Variants in TMC6 observed in about 807,000 individuals in gnomAD.
TMC6 encodes transmembrane channel like 6, also known as transmembrane channel-like protein 6.
A neutral mutation model predicts 95.4 loss-of-function variants in TMC6; 71 were observed. That is an observed-to-expected ratio of 0.74 (90% confidence interval 0.61 to 0.91). The LOEUF is 0.91. TMC6 is among the 40% of genes least tolerant of loss of function. The pLI, the probability that TMC6 is intolerant of heterozygous loss-of-function variation, is 0.00. For missense variants in TMC6, 1,074 were observed against 1,079.1 expected (o/e 1.00, Z 0.07); for synonymous variants, 514 against 483.1 (o/e 1.06, Z -0.84).
At chr17:78,125,107 T>A in intron 6 of TMC6, 51 bp downstream of exon 6, 1 of 1,546,286 alleles carries the variant, frequency 6.5e-7, no homozygotes, top group South Asian at 1.2e-5. Context: ...GCTGAGGAAG[T>A]GGGTCTGGGG....
At chr17:78,116,118 A>G (rs2074096704) in intron 18 of TMC6, among the ~76,000 whole-genome samples, 1 of 151,768 alleles carries the variant, frequency 6.6e-6, no homozygotes, top group Admixed American at 6.6e-5. Flanking sequence ...TAGCTGGTAC[A>G]GGTGGACGCC....
chr17:78,124,527 G>A lies in TMC6; in HGVS notation c.888C>T (p.Gly296=), dbSNP rs762787504. 3.1e-5 allele frequency: 50 copies of A among 1,610,336 alleles called. No individual in the cohort carries two copies. Among genetic ancestry groups the A allele is most frequent in the Non-Finnish European group, 3.8e-5 (45 of 1,179,804 alleles). ...CCCAGTCCTAGGGCTTCCTCACCGC[G>A]CCTGTGAGGAGCTCCAGGCCTGTGC... The part of the protein sequence containing the change: ...PVCTGLELLT[G]AGCFTHTVMY... The change falls in exon 8 of 20, where the codon GGC becomes GGT. Residue 296 remains glycine (G), a synonymous_variant. Coordinates refer to ENST00000590602, the MANE Select transcript of TMC6 (RefSeq NM_001127198.5).
upstream of TMC6, chr17:78,131,471 C>CTTCCGTGCACAGAG: frequency 7.0e-7 from 1 of 1,428,152 alleles, no homozygotes; most frequent in Admixed American, 2.0e-5. Flanking sequence ...CGGAAGGGCC[C>CTTCCGTGCACAGAG]GCCCCCAGCC....
intron 1 of TMC6, 122 bp from the exon 2 acceptor site, chr17:78,127,028 C>T: frequency 1.5e-6 from 1 of 664,216 alleles, no homozygotes; most frequent in African/African-American, 1.8e-5. Flanking sequence ...CGCCCACCCC[C>T]CTATCACCCC....
At position 78,117,622 on chromosome 17, in the gene TMC6, C is replaced by T. The variant is rs1234426664; in HGVS notation, c.2044G>A (p.Gly682Ser). 1 of 1,574,704 alleles carries T rather than the reference C, an allele frequency of 6.4e-7. No homozygotes were observed. Among genetic ancestry groups the T allele is most frequent in the Non-Finnish European group, 8.6e-7 (1 of 1,161,186 alleles). ...ATGGTGTCCAGGGTCCGGAAGGGGC[C>T]GCAGGTGCTCGAGGGCTTCACCCTG... ...VWQVKPSSTC[G>S]PFRTLDTMYE... The change falls in exon 17 of 20, where the codon GGC (glycine) becomes AGC (serine). Residue 682 changes from glycine to serine, a missense_variant. Transcript: ENST00000590602.
chr17:78,123,532 G>A (rs9908734), intron 9 of TMC6, among the ~76,000 whole-genome samples: 55 of 142,174 alleles, frequency 3.9e-4, no homozygotes, highest in African/African-American at 1.5e-3. Context: ...TGGGTGGGTA[G>A]ATGGATGAAT....
At chr17:78,117,411 C>T (rs531169296) in intron 17 of TMC6, 57 bp downstream of exon 17, 57 of 1,611,686 alleles carry the variant, frequency 3.5e-5, no homozygotes, top group African/African-American at 2.4e-4. Context: ...AGTCCCCACA[C>T]GGTGCAGGCC....
chr17:78,131,560 C>A, upstream of TMC6: 2 of 1,539,840 alleles, frequency 1.3e-6, no homozygotes, highest in Middle Eastern at 2.3e-4. Context: ...GGCAGCCCGG[C>A]GCCCCAGCCT....
rs892147319 is a variant in TMC6 at position 78,117,827 on chromosome 17, C to T, written c.1996G>A (p.Val666Ile). Reference sequence around the variant, plus strand: ...TGCCAGACGGCGTAGCAGAGGAAGACAGCGGCGCCCAGGAAGGCGGGGAAG... The same window carrying T: ...TGCCAGACGGCGTAGCAGAGGAAGATAGCGGCGCCCAGGAAGGCGGGGAAG... ...LCFPAFLGAA[V>I]FLCYAVWQVK... The change falls in exon 16 of 20, where the codon GTC becomes ATC. Residue 666 changes from valine (V) to isoleucine (I), a missense_variant. Coordinates refer to ENST00000590602, the MANE Select transcript of TMC6 (RefSeq NM_001127198.5). The T allele has an allele frequency of 6.2e-7, 1 of 1,607,260 alleles. No individual in the cohort carries two copies. Among genetic ancestry groups the T allele is most frequent in the African/African-American group, 1.3e-5 (1 of 74,858 alleles).
In TMC6 at chr17:78,126,881, C is replaced by G. The variant is rs752505465; in HGVS notation, c.-49G>C. 2 of 1,599,798 alleles carry G rather than the reference C, an allele frequency of 1.3e-6. No homozygotes were observed. Among genetic ancestry groups the G allele is most frequent in the Non-Finnish European group, 1.7e-6 (2 of 1,173,984 alleles). On this transcript the variant is annotated 5_prime_UTR_variant, in exon 2 of 20. Coordinates refer to ENST00000590602, the MANE Select transcript of TMC6 (RefSeq NM_001127198.5). Reference sequence around the variant, plus strand: ...CTGCAGACCTAGGGTAGCTCAGAGCCTGGGCGCCACCTCCGGAGCCCCCAT... The same window carrying G: ...CTGCAGACCTAGGGTAGCTCAGAGCGTGGGCGCCACCTCCGGAGCCCCCAT...
At chr17:78,127,237 T>C (rs2074764228) in intron 1 of TMC6, among the ~76,000 whole-genome samples, 1 of 152,174 alleles carries the variant, frequency 6.6e-6, no homozygotes. Context: ...AGGATCTCCA[T>C]GCCCAGGGTT....
At chr17:78,118,254 A>G in intron 15 of TMC6, 1 of 453,170 alleles carries the variant, frequency 2.2e-6, no homozygotes, top group Non-Finnish European at 4.1e-6. Flanking sequence ...ACAAAAGGCC[A>G]GACGAGACAG....
At position 78,124,910 on chromosome 17, in the gene TMC6, C is replaced by A; in HGVS notation, c.612G>T (p.Arg204=). ...ATACCAGCACGCAGGCATATCTGAG[C>A]CGGCCACAGCAGGAGCAGACCCCGC... ...GSGGVCSCCG[R]LRYACVLALH... Residue 204 remains arginine (R), a synonymous_variant, in exon 7 of 20, where the codon CGG becomes CGT. Coordinates refer to ENST00000590602, the MANE Select transcript of TMC6 (RefSeq NM_001127198.5). The A allele has an allele frequency of 6.3e-7, 1 of 1,597,224 alleles. No individual in the cohort carries two copies. The highest frequency in any genetic ancestry group is 8.5e-7 in the Non-Finnish European group (1 of 1,173,926).
Position 78,124,452 on chromosome 17 carries a change from C to T in TMC6, c.891+72G>A, listed in dbSNP as rs117892474. ...GTTGGGGGCCCCAGGGGAGCTGGGA[C>T]AAGAAGGGAACACGGTACCAGGGTA... On this transcript the variant is annotated intron_variant, in intron 8 of 19. Coordinates refer to ENST00000590602, the MANE Select transcript of TMC6 (RefSeq NM_001127198.5). 42,272 of 1,593,306 alleles carry T rather than the reference C, an allele frequency of 0.027. 805 individuals carry two copies. Among genetic ancestry groups the T allele is most frequent in the South Asian group, 0.072 (6,530 of 90,078 alleles).
rs202143281 is a variant in TMC6 at position 78,123,612 on chromosome 17, AATGGGTGG to A, written c.1082+369_1082+376del. On this transcript the variant is annotated intron_variant, in intron 9 of 19. Coordinates refer to ENST00000590602, the MANE Select transcript of TMC6 (RefSeq NM_001127198.5). Reference sequence around the variant, plus strand: ...GGATGGATGGGTGGGTGAATGGATGAATGGGTGGATGGGTGGATGGGTGGGTGAACTGA... The same window carrying A: ...GGATGGATGGGTGGGTGAATGGATGAATGGGTGGATGGGTGGGTGAACTGA... 1.4e-3 allele frequency among the ~76,000 whole-genome samples: 153 copies of A among 107,162 alleles called. 1 individual carries two copies. Among genetic ancestry groups the A allele is most frequent in the African/African-American group, 5.4e-3 (144 of 26,742 alleles). The allele number at this position is 107,162 out of a possible 152,430, so 70.3% of individuals were successfully genotyped here. A position where few individuals can be genotyped will look rare whatever the true frequency, so the allele number is the denominator to read the frequency against.
intron 19 of TMC6, 25 bp downstream of exon 19, chr17:78,113,522 TC>T: frequency 6.2e-7 from 1 of 1,612,968 alleles, no homozygotes; most frequent in Non-Finnish European, 8.5e-7. Context: ...GCTCAGAGTG[TC>T]CCCAATCCCT....
chr17:78,124,739 C>A lies in TMC6; in HGVS notation c.676G>T (p.Ala226Ser), dbSNP rs746046230. 6 of 1,587,172 alleles carry A rather than the reference C, an allele frequency of 3.8e-6. No homozygotes were observed. Among genetic ancestry groups the A allele is most frequent in the Non-Finnish European group, 4.3e-6 (5 of 1,167,398 alleles). ...LGLALLSALQ[A>S]LMPWRYALKR... ...AGGGCGTAGCGCCACGGCATCAGGG[C>A]CTGCAGGGCGGAGAGCAGCGCCAGG... Residue 226 changes from alanine to serine, a missense_variant, in exon 8 of 20, where the codon GCC becomes TCC. Transcript: ENST00000590602.
In TMC6 at chr17:78,124,989, G is replaced by T; in HGVS notation, c.537-4C>A. 1 of 1,583,814 alleles carries T rather than the reference G, an allele frequency of 6.3e-7. No homozygotes were observed. The stretch of plus-strand genomic sequence containing the variant: ...CCTCGGGGTCCTGCTCTTCTCTCTG[G>T]GGACAGAGGCAGCCATAGGTGCCTG... On this transcript the variant is annotated splice_region_variant and splice_polypyrimidine_tract_variant and intron_variant, in intron 6 of 19. Coordinates refer to ENST00000590602, the MANE Select transcript of TMC6 (RefSeq NM_001127198.5).
rs192329653 is a variant in TMC6 at position 78,112,124 on chromosome 17, C to A, written c.*1024G>T. 1.4e-3 allele frequency: 284 copies of A among 210,302 alleles called. 4 individuals carry two copies. In the Admixed American group the frequency reaches 0.018, roughly 14 times the overall value. 13.0% of individuals were successfully genotyped at this position (210,302 alleles called of 1,614,324 possible). The stretch of plus-strand genomic sequence containing the variant: ...GGCCTGGAGCACTGAGGCTGACGGG[C>A]TGGTTCCTGCAGGCCTGGAGCACAG... On this transcript the variant is annotated 3_prime_UTR_variant, in exon 20 of 20. Coordinates refer to ENST00000590602, the MANE Select transcript of TMC6 (RefSeq NM_001127198.5).
Sources: gnomAD v4.1 joint callset for allele counts (sites outside exome capture counted in the v4.1 genomes callset) on GRCh38, gnomAD v4.1.1 for gene constraint, MANE v1.5 for transcripts, NCBI Gene and HGNC (gene_info 2026-07-23, HGNC 2026-07-21) for gene names.